PRKN: variants seen among roughly 807,000 people sequenced by gnomAD.
PRKN encodes E3 ubiquitin-protein ligase parkin.
Under a neutral mutation model 59.5 loss-of-function variants are expected in PRKN, and 56 were observed. That is an observed-to-expected ratio of 0.94 (90% CI 0.76 to 1.18). PRKN has a LOEUF of 1.18. PRKN is among the 50% of genes most tolerant of loss of function. PRKN has a pLI of 0.00. For synonymous variants in PRKN, 250 were observed against 222.1 expected, an observed-to-expected ratio of 1.13 and a Z score of -1.12; for missense variants, 657 against 596.4, an observed-to-expected ratio of 1.10 and a Z score of -1.06.
chr6:162,380,260 T>C (rs560224095), intron 2 of PRKN, among the ~76,000 whole-genome samples: 1 of 151,890 alleles, frequency 6.6e-6, no homozygotes, highest in South Asian at 2.1e-4. Flanking sequence ...TAATGTGACA[T>C]GTCATCAGTT....
At chr6:162,517,211 C>T (rs907573503) in intron 1 of PRKN, among the ~76,000 whole-genome samples, 4 of 91,360 alleles carry the variant, frequency 4.4e-5, no homozygotes, top group East Asian at 3.5e-4. Flanking sequence ...CAGAATCTCT[C>T]GGGGTGGGGT....
At chr6:162,435,812 C>T (rs1789739829) in intron 2 of PRKN, among the ~76,000 whole-genome samples, 1 of 152,096 alleles carries the variant, frequency 6.6e-6, no homozygotes, top group Non-Finnish European at 1.5e-5. Context: ...AGAAATAAAT[C>T]ACTGCGTGAC....
At chr6:162,679,584 T>G (rs1045645355) in intron 1 of PRKN, among the ~76,000 whole-genome samples, 2 of 152,162 alleles carry the variant, frequency 1.3e-5, no homozygotes, top group Non-Finnish European at 2.9e-5. Flanking sequence ...AAAAAGGACA[T>G]TTTTTCTAAA....
chr6:161,674,659 C>A (rs187998881), intron 7 of PRKN, among the ~76,000 whole-genome samples: 24 of 152,222 alleles, frequency 1.6e-4, no homozygotes, highest in Non-Finnish European at 2.9e-4. Context: ...TACCCATCAC[C>A]CTAACACTGA....
At chr6:162,062,716 A>G (rs1355476546) in intron 4 of PRKN, among the ~76,000 whole-genome samples, 1 of 152,064 alleles carries the variant, frequency 6.6e-6, no homozygotes, top group African/African-American at 2.4e-5. Context: ...GAGAAAATAC[A>G]TTTCTATTGT....
rs1779184348 is a variant in PRKN, at chr6:162,246,182, TAATCC to T, written c.412+16338_412+16342del. ...TGAAGCTCTAACCCCCAGCACCTCC[TAATCC>T]AACTGTATTTGATTAATTATAATGA... On this transcript the variant is annotated intron_variant, in intron 3 of 11. Transcript: ENST00000366898. Among the ~76,000 whole-genome samples the T allele has an allele frequency of 2.6e-5, 4 of 152,150 alleles. No homozygotes were observed. The South Asian group carries it at 8.3e-4, about 31-fold the overall frequency.
At chr6:162,456,383 A>G (rs1338302596) in intron 1 of PRKN, among the ~76,000 whole-genome samples, 1 of 152,164 alleles carries the variant, frequency 6.6e-6, no homozygotes, top group Non-Finnish European at 1.5e-5. Context: ...TCACCCAAAT[A>G]TATATTTATA....
At chr6:161,949,795 T>C (rs2128245564) in intron 6 of PRKN, among the ~76,000 whole-genome samples, 1 of 152,298 alleles carries the variant, frequency 6.6e-6, no homozygotes, top group East Asian at 1.9e-4. Flanking sequence ...GCTGCCTCTG[T>C]CCTCCTGATT....
intron 9 of PRKN, among the ~76,000 whole-genome samples, chr6:161,387,890 G>C (rs1786336402): frequency 6.6e-6 from 1 of 152,218 alleles, no homozygotes; most frequent in African/African-American, 2.4e-5. Flanking sequence ...TTAGGACAGA[G>C]ACACACGGAC....
intron 6 of PRKN, among the ~76,000 whole-genome samples, chr6:161,789,999 A>G (rs536836761): frequency 1.3e-5 from 2 of 152,330 alleles, no homozygotes; most frequent in South Asian, 2.1e-4. Context: ...GAGTGGATAA[A>G]TACCTTATAG....
intron 3 of PRKN, among the ~76,000 whole-genome samples, chr6:162,214,671 C>G (rs1276694146): frequency 1.3e-5 from 2 of 152,034 alleles, no homozygotes; most frequent in African/African-American, 4.8e-5. Context: ...TCCAGTGAAA[C>G]AGATAACACC....
chr6:162,727,315 A>AGGGGAGGGGCGGCGGCGGGGCGAC, intron 1 of PRKN: 2 of 347,816 alleles, frequency 5.8e-6, no homozygotes, highest in East Asian at 5.8e-5. Flanking sequence ...GGCGGGGCGA[A>AGGGGAGGGGCGGCGGCGGGGCGAC]GGTGAGGGGC....
At chr6:162,076,428 A>G (rs954817128) in intron 4 of PRKN, among the ~76,000 whole-genome samples, 2 of 152,172 alleles carry the variant, frequency 1.3e-5, no homozygotes, top group African/African-American at 2.4e-5. Context: ...TCTAGTCTAT[A>G]AATTTCCCTC....
At chr6:162,062,505 G>A (rs1778141834) in intron 4 of PRKN, among the ~76,000 whole-genome samples, 1 of 152,132 alleles carries the variant, frequency 6.6e-6, no homozygotes. Flanking sequence ...TTTGGAGATA[G>A]GTCTTGACAG....
intron 7 of PRKN, among the ~76,000 whole-genome samples, chr6:161,676,758 A>G (rs958534584): frequency 4.6e-5 from 7 of 152,186 alleles, no homozygotes; most frequent in Non-Finnish European, 2.9e-5. Flanking sequence ...CTTTCCAGCA[A>G]TCTGGTTTCA....
intron 7 of PRKN, among the ~76,000 whole-genome samples, chr6:161,691,109 A>G (rs1030066895): frequency 2.6e-5 from 4 of 151,784 alleles, no homozygotes; most frequent in African/African-American, 7.3e-5. Context: ...CTATCCATCT[A>G]TCCACCTATT....
chr6:162,481,635 T>A (rs1792315913), intron 1 of PRKN, among the ~76,000 whole-genome samples: 1 of 152,180 alleles, frequency 6.6e-6, no homozygotes, highest in Admixed American at 6.5e-5. Flanking sequence ...CAGAAACATT[T>A]TTTCATAAAA....
intron 6 of PRKN, among the ~76,000 whole-genome samples, chr6:161,902,036 C>T (rs1459470526): frequency 6.6e-6 from 1 of 152,146 alleles, no homozygotes; most frequent in Non-Finnish European, 1.5e-5. Flanking sequence ...GTACTTTCTT[C>T]CCAAACGAAA....
chr6:161,422,033 A>T (rs1249237757), intron 9 of PRKN, among the ~76,000 whole-genome samples: 2 of 152,128 alleles, frequency 1.3e-5, no homozygotes, highest in African/African-American at 4.8e-5. Context: ...TAGAAACATA[A>T]TCTAGTAAAG....
Sources: allele counts gnomAD v4.1 joint callset (sites outside exome capture counted in the v4.1 genomes callset), GRCh38; gene constraint gnomAD v4.1.1; transcripts MANE v1.5; gene names NCBI Gene and HGNC (gene_info 2026-07-23, HGNC 2026-07-21).